The following UPP2 variants were observed in gnomAD, a reference collection of about 807,000 sequenced individuals.
UPP2 encodes the protein uridine phosphorylase 2, also known as UPase 2.
A neutral mutation model predicts 26.7 loss-of-function variants in UPP2; 23 were observed. That is an observed-to-expected ratio of 0.86 (90% CI 0.62 to 1.22). The LOEUF (loss-of-function observed/expected upper bound fraction) is 1.22, where lower values mean the gene tolerates loss of function less well. Ranked by LOEUF, UPP2 falls within the 50% of genes most tolerant of loss-of-function variation. The pLI is 0.00. For synonymous variants in UPP2, 127 were observed against 141.3 expected (o/e 0.90, Z 0.72); for missense variants, 387 against 396.7 (o/e 0.98, Z 0.21).
intron 3 of UPP2, among the ~76,000 whole-genome samples, chr2:158,093,968 A>G (rs1682949886): frequency 6.7e-6 from 1 of 150,058 alleles, no homozygotes; most frequent in Non-Finnish European, 1.5e-5. Flanking sequence ...TATATGTTAC[A>G]TTTATATATA....
rs1021501826 is a variant in UPP2 at position 158,101,975 on chromosome 2, A to C, written c.-89A>C. On this transcript the variant is annotated 5_prime_UTR_variant, in exon 1 of 7. Transcript: ENST00000005756. ...TATCATTCTGACTGGGAACTGAACT[A>C]TTATGACTAGGTCTATAATTTAATA... 9 of 1,581,864 alleles carry C rather than the reference A, an allele frequency of 5.7e-6. No homozygotes were observed. In the African/African-American group the frequency reaches 1.2e-4, roughly 22 times the overall value.
At chr2:158,032,957 A>T (rs1265181566) in intron 3 of UPP2, among the ~76,000 whole-genome samples, 2 of 152,096 alleles carry the variant, frequency 1.3e-5, no homozygotes, top group African/African-American at 4.8e-5. Context: ...TGGCCCTAAC[A>T]GGCTTTTAGG....
At chr2:158,000,819 AT>A (rs897981439) in intron 2 of UPP2, among the ~76,000 whole-genome samples, 21 of 152,366 alleles carry the variant, frequency 1.4e-4, no homozygotes, top group African/African-American at 4.8e-4. Context: ...TTACTAGAAG[AT>A]GCTGAAGGAG....
At chr2:158,005,658 T>A (rs972057701) in intron 2 of UPP2, among the ~76,000 whole-genome samples, 13 of 152,234 alleles carry the variant, frequency 8.5e-5, no homozygotes, top group Non-Finnish European at 1.5e-4. Flanking sequence ...TGAATTTATA[T>A]GGCTCTGCCA....
rs540644338 is a variant in UPP2, at chr2:158,073,004, T to C, written c.148-29036T>C. ...TAAATAAGGTACCATGGACCAATCC[T>C]GGAAAAACAGAGATATGTGATCTTT... On this transcript the variant is annotated intron_variant, in intron 3 of 9. Transcript: ENST00000605860. 1.4e-3 allele frequency among the ~76,000 whole-genome samples: 214 copies of C among 152,182 alleles called. 1 individual carries two copies. Among genetic ancestry groups the C allele is most frequent in the Non-Finnish European group, 2.5e-3 (170 of 67,992 alleles).
rs932711972 is a variant in UPP2 at position 158,135,656 on chromosome 2, G to A, written c.*766G>A. 2.0e-5 allele frequency: 3 copies of A among 152,136 alleles called. No individual in the cohort carries two copies. Among genetic ancestry groups the A allele is most frequent in the Non-Finnish European group, 4.4e-5 (3 of 68,012 alleles). 9.4% of individuals were successfully genotyped at this position (152,136 alleles called of 1,614,324 possible). A position where few individuals can be genotyped will look rare whatever the true frequency, so the allele number is the denominator to read the frequency against. On this transcript the variant is annotated 3_prime_UTR_variant, in exon 7 of 7. Coordinates refer to ENST00000005756, the MANE Select transcript of UPP2 (RefSeq NM_173355.4). ...ATTCCATTTCAATATTAACCAAATA[G>A]GCTGAGAAATTCATAGCAATTGAAT...
intron 1 of UPP2, among the ~76,000 whole-genome samples, chr2:158,105,244 G>T (rs1181501421): frequency 1.3e-5 from 2 of 152,096 alleles, no homozygotes; most frequent in Non-Finnish European, 2.9e-5. Flanking sequence ...TTGAATTAAG[G>T]TCATTCTTAT....
intron 6 of UPP2, among the ~76,000 whole-genome samples, chr2:158,134,278 T>C (rs1158899821): frequency 6.6e-6 from 1 of 152,232 alleles, no homozygotes; most frequent in African/African-American, 2.4e-5. Flanking sequence ...TTTACTTTTT[T>C]CTTCAGCAAG....
chr2:158,017,734 G>T (rs919960227), intron 3 of UPP2, among the ~76,000 whole-genome samples: 1 of 152,092 alleles, frequency 6.6e-6, no homozygotes, highest in African/African-American at 2.4e-5. Context: ...CCATATAGGG[G>T]GAACCAAATT....
At chr2:158,056,630 C>T (rs1439884038) in intron 3 of UPP2, among the ~76,000 whole-genome samples, 8 of 152,202 alleles carry the variant, frequency 5.3e-5, no homozygotes, top group Non-Finnish European at 5.9e-5. Flanking sequence ...TGTCCCAGGG[C>T]TTACAGCAAC....
intron 3 of UPP2, among the ~76,000 whole-genome samples, chr2:158,036,485 T>C (rs115506310): frequency 2.2e-3 from 336 of 152,300 alleles, no homozygotes; most frequent in African/African-American, 7.7e-3. Context: ...GCCATTAGTG[T>C]GGGCCTATTG....
intron 2 of UPP2, among the ~76,000 whole-genome samples, chr2:158,109,898 A>G (rs1347833300): frequency 6.6e-6 from 1 of 152,218 alleles, no homozygotes; most frequent in Non-Finnish European, 1.5e-5. Flanking sequence ...GAAGGCAGGA[A>G]ATAGTTTGAA....
intron 3 of UPP2, among the ~76,000 whole-genome samples, chr2:158,052,362 G>A (rs1389798329): frequency 6.6e-6 from 1 of 152,192 alleles, no homozygotes; most frequent in African/African-American, 2.4e-5. Flanking sequence ...TGATGGTGGC[G>A]ATATCAAGAT....
rs1453953043 is a variant in UPP2 at position 158,127,490 on chromosome 2, T to C, written c.811+3595T>C. On this transcript the variant is annotated intron_variant, in intron 6 of 6. Transcript: ENST00000005756. Reference sequence around the variant, plus strand: ...AAAAAAAAGGGCCACTAGACTCTTTTTGACTATGGAAAATGGCCATTGCAA... The same window carrying C: ...AAAAAAAAGGGCCACTAGACTCTTTCTGACTATGGAAAATGGCCATTGCAA... Among the ~76,000 whole-genome samples the C allele has an allele frequency of 2.6e-5, 4 of 152,184 alleles. No homozygotes were observed. In the East Asian group the frequency reaches 7.7e-4, roughly 29 times the overall value.
intron 3 of UPP2, among the ~76,000 whole-genome samples, chr2:158,067,070 C>T (rs931615620): frequency 4.6e-5 from 7 of 151,674 alleles, no homozygotes; most frequent in African/African-American, 1.7e-4. Context: ...ATTTCCTTCT[C>T]TTCCTAACCA....
chr2:158,004,247 A>C (rs1164735496), intron 2 of UPP2, among the ~76,000 whole-genome samples: 2 of 152,204 alleles, frequency 1.3e-5, no homozygotes, highest in African/African-American at 2.4e-5. Flanking sequence ...TAGAAAAATA[A>C]AAAACAATCA....
At chr2:158,013,827 G>A (rs1234221511) in intron 2 of UPP2, among the ~76,000 whole-genome samples, 1 of 152,196 alleles carries the variant, frequency 6.6e-6, no homozygotes, top group Non-Finnish European at 1.5e-5. Flanking sequence ...AGCTTTGTGC[G>A]GCTTGCTTGT....
At chr2:158,009,299 AT>A (rs145501080) in intron 2 of UPP2, among the ~76,000 whole-genome samples, 3,280 of 152,322 alleles carry the variant, frequency 0.022, 114 homozygotes, top group African/African-American at 0.072. Flanking sequence ...CTTTCCAAAA[AT>A]CATAAGGTAT....
chr2:158,034,343 G>C (rs529825951), intron 3 of UPP2, among the ~76,000 whole-genome samples: 1 of 152,304 alleles, frequency 6.6e-6, no homozygotes, highest in South Asian at 2.1e-4. Flanking sequence ...TCCTCTTCCA[G>C]TGCAGAAGCC....
Sources: allele counts gnomAD v4.1 joint callset (sites outside exome capture counted in the v4.1 genomes callset), GRCh38; gene constraint gnomAD v4.1.1; transcripts MANE v1.5; gene names NCBI Gene and HGNC (gene_info 2026-07-23, HGNC 2026-07-21).